The following NLRP1 variants were observed in gnomAD, a reference collection of about 807,000 sequenced individuals.
NLRP1 encodes the protein NACHT, LRR and PYD domains-containing protein 1.
Under a neutral mutation model 136.7 loss-of-function variants are expected in NLRP1, and 94 were observed. The ratio of observed to expected loss-of-function variants is 0.69; its 90% CI spans 0.58 to 0.82. The LOEUF (loss-of-function observed/expected upper bound fraction) is 0.82. Ranked by LOEUF, NLRP1 falls within the 40% of genes least tolerant of loss-of-function variation. NLRP1 has a pLI of 0.00. For synonymous variants in NLRP1, 690 were observed against 725.1 expected (o/e 0.95, Z 0.78); for missense variants, 1,575 against 1,802.7 (o/e 0.87, Z 2.29).
In NLRP1 at chr17:5,517,823, T is replaced by G. The variant is rs774689496; in HGVS notation, c.3980A>C (p.His1327Pro). ...TTGCAGCCTGATCCCTGATCCCAAGTGGCCAACGTAGAACTCCGAGAACAG... is the reference window on the plus strand; with the variant it reads ...TTGCAGCCTGATCCCTGATCCCAAGGGGCCAACGTAGAACTCCGAGAACAG... The part of the protein sequence containing the change: ...DQLFSEFYVG[H>P]LGSGIRLQVK... Residue 1327 changes from histidine (H) to proline (P), a missense_variant, in exon 15 of 17, where the codon CAC (histidine) becomes CCC (proline). Transcript: ENST00000572272. 6.2e-7 allele frequency: 1 copy of G among 1,614,212 alleles called. No individual in the cohort carries two copies. The highest frequency in any genetic ancestry group is 2.2e-5 in the East Asian group (1 of 44,884).
chr17:5,521,773 G>A lies in NLRP1; in HGVS notation c.3534C>T (p.Asp1178=). The change falls in exon 13 of 17, where the codon GAC becomes GAT. Residue 1178 remains aspartate (D), a synonymous_variant. Coordinates refer to ENST00000572272, the MANE Select transcript of NLRP1 (RefSeq NM_033004.4). ...AGTGGGCCATTTGGAACAGGGATGT[G>A]TCCACATGGCCCCCTGTAAAAGAAT... ...HFVALQGGHV[D]TSLFQMAHFK... The A allele has an allele frequency of 1.9e-6, 3 of 1,604,346 alleles. No homozygotes were observed. The highest frequency in any genetic ancestry group is 1.1e-5 in the South Asian group (1 of 90,672).
At chr17:5,506,826 C>T (rs7211262) in intron 15 of NLRP1, among the ~76,000 whole-genome samples, 41,364 of 145,850 alleles carry the variant, frequency 0.28, 6,218 homozygotes, top group African/African-American at 0.4. Context: ...GGCTTGAGCC[C>T]GGGTGGTGGA....
At chr17:5,539,696 A>G (rs7224061) in intron 6 of NLRP1, 111 bp from the exon 7 acceptor site, 66,054 of 1,420,626 alleles carry the variant, frequency 0.046, 1,697 homozygotes, top group Middle Eastern at 0.08. Context: ...AGGGTCTGGG[A>G]TGACATGCAG....
chr17:5,535,985 G>GCT (rs776159874), intron 8 of NLRP1, among the ~76,000 whole-genome samples: 131 of 151,804 alleles, frequency 8.6e-4, no homozygotes, highest in South Asian at 4.0e-3. Context: ...GGGCACAGGC[G>GCT]CTCTCTCTCT....
chr17:5,509,552 G>A (rs1394358672), downstream of NLRP1, among the ~76,000 whole-genome samples: 5 of 152,212 alleles, frequency 3.3e-5, no homozygotes, highest in Non-Finnish European at 7.3e-5. Context: ...CAGAGTGCCT[G>A]GTGGAAGCAT....
intron 3 of NLRP1, among the ~76,000 whole-genome samples, chr17:5,577,126 G>A (rs1905105376): frequency 1.3e-5 from 2 of 152,100 alleles, no homozygotes; most frequent in Non-Finnish European, 2.9e-5. Flanking sequence ...AATAATAAGA[G>A]CTATTTATGG....
rs200014316 is a variant in NLRP1 at position 5,532,959 on chromosome 17, C to T, written c.3159G>A (p.Pro1053=). Reference sequence around the variant, plus strand: ...GAGAAGGCACGCACAAGAGTTCCACCGGTACTACCTCTGGGGAGCTTTCCT... The same window carrying T: ...GAGAAGGCACGCACAAGAGTTCCACTGGTACTACCTCTGGGGAGCTTTCCT... ...IAEESSPEVV[P]VELLCVPSPA... is the part of the protein sequence containing the mutation. Residue 1053 remains proline, a synonymous_variant, in exon 11 of 17, where the codon CCG becomes CCA. Transcript: ENST00000572272. 3.2e-5 allele frequency: 51 copies of T among 1,613,430 alleles called. No homozygotes were observed. The highest frequency in any genetic ancestry group is 4.0e-5 in the African/African-American group (3 of 74,892).
rs1253165895 is a variant in NLRP1 at position 5,537,755 on chromosome 17, C to T, written c.2871-815G>A. The stretch of plus-strand genomic sequence containing the variant: ...GCTCCAGGAGGGAAGGAGGTGGAAA[C>T]CTACTCGGGACTCTAGAGAGCAAAC... On this transcript the variant is annotated intron_variant, in intron 7 of 16. Transcript: ENST00000572272. The surrounding 1 kb of genome is among the most constrained non-coding windows in gnomAD (Gnocchi z 4.5). 6.6e-6 allele frequency among the ~76,000 whole-genome samples: 1 copy of T among 152,186 alleles called. No homozygotes were observed. Among genetic ancestry groups the T allele is most frequent in the Non-Finnish European group, 1.5e-5 (1 of 68,028 alleles).
chr17:5,540,578 C>A (rs1465237840), intron 6 of NLRP1, among the ~76,000 whole-genome samples: 1 of 152,174 alleles, frequency 6.6e-6, no homozygotes, highest in African/African-American at 2.4e-5. Context: ...GACCTGGCTT[C>A]AAATCCTGGT....
chr17:5,574,339 C>T (rs990200327), intron 3 of NLRP1, among the ~76,000 whole-genome samples: 1 of 152,190 alleles, frequency 6.6e-6, no homozygotes, highest in African/African-American at 2.4e-5. Context: ...GATTGGTGTA[C>T]CTGAAAGTGA....
intron 5 of NLRP1, among the ~76,000 whole-genome samples, chr17:5,545,023 C>G (rs1912390474): frequency 6.6e-6 from 1 of 152,146 alleles, no homozygotes; most frequent in African/African-American, 2.4e-5. Flanking sequence ...TCAAATACCA[C>G]TCTCCATCCT....
intron 15 of NLRP1, chr17:5,503,934 G>A (rs1326878374): frequency 6.6e-6 from 1 of 152,232 alleles, no homozygotes; most frequent in Non-Finnish European, 1.5e-5. Flanking sequence ...GCCTCTTCTA[G>A]GGGGATCTTT....
intron 3 of NLRP1, among the ~76,000 whole-genome samples, chr17:5,579,929 G>T (rs1905418551): frequency 6.6e-6 from 1 of 152,086 alleles, no homozygotes; most frequent in Non-Finnish European, 1.5e-5. Flanking sequence ...AGTGGGAGAA[G>T]GGTAAGGATT....
intron 11 of NLRP1, 43 bp downstream of exon 11, chr17:5,532,779 G>C (rs1366956912): frequency 7.2e-6 from 11 of 1,535,844 alleles, no homozygotes; most frequent in Non-Finnish European, 9.6e-6. Context: ...GGGCAGTGGG[G>C]TGCGGGAGGC....
At chr17:5,526,944 T>C (rs1248890893) in intron 12 of NLRP1, among the ~76,000 whole-genome samples, 1 of 152,112 alleles carries the variant, frequency 6.6e-6, no homozygotes, top group African/African-American at 2.4e-5. Context: ...GCGACGACAG[T>C]GATGAAGCAC....
chr17:5,583,662 G>T lies in NLRP1; in HGVS notation c.271+25C>A. The T allele has an allele frequency of 6.5e-7, 1 of 1,545,386 alleles. No individual in the cohort carries two copies. ...ATGAGGGCCAGGGGATGTCCCGCGGGCAGTGGGGTCCTCTGTCCACTCACC... is the reference window on the plus strand; with the variant it reads ...ATGAGGGCCAGGGGATGTCCCGCGGTCAGTGGGGTCCTCTGTCCACTCACC... On this transcript the variant is annotated intron_variant, in intron 1 of 16. Coordinates refer to ENST00000572272, the MANE Select transcript of NLRP1 (RefSeq NM_033004.4). The surrounding 1 kb of genome is among the most constrained non-coding windows in gnomAD (Gnocchi z 4.5).
chr17:5,530,871 T>TGGATCCTTGCTCAG (rs1454158555), intron 11 of NLRP1, among the ~76,000 whole-genome samples, 167 bp from the exon 12 acceptor site: 1 of 152,228 alleles, frequency 6.6e-6, no homozygotes, highest in African/African-American at 2.4e-5. Flanking sequence ...CTCTTGACTG[T>TGGATCCTTGCTCAG]GGATCCCTGA....
chr17:5,566,659 T>TA (rs1915366425), intron 3 of NLRP1, among the ~76,000 whole-genome samples: 1 of 152,184 alleles, frequency 6.6e-6, no homozygotes, highest in African/African-American at 2.4e-5. Flanking sequence ...GAATGTTCTG[T>TA]AAATATCTAT....
chr17:5,514,867 C>T lies in NLRP1; in HGVS notation c.4309G>A (p.Asp1437Asn). The T allele has an allele frequency of 6.2e-7, 1 of 1,614,160 alleles. No individual in the cohort carries two copies. The highest frequency in any genetic ancestry group is 8.5e-7 in the Non-Finnish European group (1 of 1,180,046). The change falls in exon 17 of 17, where the codon GAC (aspartate) becomes AAC (asparagine). Residue 1437 changes from aspartate (D) to asparagine (N), a missense_variant. Asp to Asn is a conservative substitution (Grantham distance 23, BLOSUM62 1). Coordinates refer to ENST00000572272, the MANE Select transcript of NLRP1 (RefSeq NM_033004.4). ...TAGAGTCCATCTTTGCACTTCCGGT[C>T]CCAGGACTGGCTCAAGCTGAACAGC... ...RKLFSLSQSWDRKCKDGLYQA... is the reference protein window; with the variant it reads ...RKLFSLSQSWNRKCKDGLYQA...
Sources: gnomAD v4.1 joint callset for allele counts (sites outside exome capture counted in the v4.1 genomes callset) on GRCh38, gnomAD v4.1.1 for gene constraint, Gnocchi (gnomAD v3.1) non-coding constraint, MANE v1.5 for transcripts, NCBI Gene and HGNC (gene_info 2026-07-23, HGNC 2026-07-21) for gene names.